SH2D4B: variants seen among roughly 807,000 people sequenced by gnomAD.
SH2D4B encodes the protein SH2 domain containing 4B, also known as SH2 domain-containing protein 4B.
A neutral mutation model predicts 61.5 loss-of-function variants in SH2D4B; 45 were observed. That is an observed-to-expected ratio of 0.73 (90% CI 0.58 to 0.94). The LOEUF is 0.94. SH2D4B is among the 40% of genes least tolerant of loss of function. The pLI, the probability that SH2D4B is intolerant of heterozygous loss-of-function variation, is 0.00. For missense variants in SH2D4B, 572 were observed against 574.2 expected, an observed-to-expected ratio of 1.00 and a Z score of 0.04; for synonymous variants, 224 against 220.4, an observed-to-expected ratio of 1.02 and a Z score of -0.14.
intron 4 of SH2D4B, among the ~76,000 whole-genome samples, chr10:80,590,686 T>G (rs1842315180): frequency 6.6e-6 from 1 of 152,100 alleles, no homozygotes; most frequent in Non-Finnish European, 1.5e-5. Context: ...TGTCTTAATC[T>G]TATGCCAGAT....
chr10:80,564,210 A>G (rs1043047734), intron 1 of SH2D4B, among the ~76,000 whole-genome samples: 1 of 152,206 alleles, frequency 6.6e-6, no homozygotes, highest in Non-Finnish European at 1.5e-5. Flanking sequence ...GTCTTGTAGA[A>G]CAAATTCTTC....
At chr10:80,563,878 A>T (rs952116733) in intron 1 of SH2D4B, among the ~76,000 whole-genome samples, 1 of 152,234 alleles carries the variant, frequency 6.6e-6, no homozygotes, top group African/African-American at 2.4e-5. Context: ...GAGAAAAGGC[A>T]TCATTCAAAT....
chr10:80,575,349 T>C (rs1842112665), intron 3 of SH2D4B, among the ~76,000 whole-genome samples: 1 of 152,078 alleles, frequency 6.6e-6, no homozygotes, highest in South Asian at 2.1e-4. Flanking sequence ...GCTGGCAAAC[T>C]ATTTTCTGTA....
At chr10:80,609,636 G>C (rs1842571255) in intron 6 of SH2D4B, 85 bp downstream of exon 6, 2 of 1,588,638 alleles carry the variant, frequency 1.3e-6, no homozygotes, top group African/African-American at 2.7e-5. Context: ...CTGAAGGACA[G>C]TTATAATCAG....
At chr10:80,545,541 G>A (rs1008283429) in intron 1 of SH2D4B, among the ~76,000 whole-genome samples, 9 of 136,056 alleles carry the variant, frequency 6.6e-5, no homozygotes, top group African/African-American at 1.8e-4. Context: ...CCTCTTCTCC[G>A]CTTTCTTCTA....
At chr10:80,543,432 C>T (rs1209149481) in intron 1 of SH2D4B, among the ~76,000 whole-genome samples, 3 of 152,186 alleles carry the variant, frequency 2.0e-5, no homozygotes, top group Non-Finnish European at 4.4e-5. Flanking sequence ...TCTCACCGGG[C>T]CTTAGCTGCC....
At chr10:80,592,038 T>C (rs1842334539) in intron 4 of SH2D4B, among the ~76,000 whole-genome samples, 1 of 152,218 alleles carries the variant, frequency 6.6e-6, no homozygotes, top group African/African-American at 2.4e-5. Flanking sequence ...TTGACGTCCT[T>C]GCCAACCCTT....
intron 1 of SH2D4B, among the ~76,000 whole-genome samples, chr10:80,564,303 A>G (rs1253659551): frequency 6.6e-6 from 1 of 152,208 alleles, no homozygotes. Flanking sequence ...TCACAGGCTT[A>G]GGAAACCACT....
Position 80,557,976 on chromosome 10 carries a change from T to C in SH2D4B, c.185-12178T>C, listed in dbSNP as rs141072950. ...TTTCTAATATAAGCATTTGATGCTA[T>C]AAATGTCTTTCAGTGCCCTGCTTTA... On this transcript the variant is annotated intron_variant, in intron 1 of 7. Coordinates refer to ENST00000646907, the MANE Select transcript of SH2D4B (RefSeq NM_001388272.1). Among the ~76,000 whole-genome samples, 11 of 152,294 alleles carry C rather than the reference T, an allele frequency of 7.2e-5. No individual in the cohort carries two copies. In the East Asian group the frequency reaches 2.1e-3, roughly 29 times the overall value.
chr10:80,597,563 G>C (rs914140978), intron 4 of SH2D4B, among the ~76,000 whole-genome samples: 1 of 152,220 alleles, frequency 6.6e-6, no homozygotes, highest in African/African-American at 2.4e-5. Context: ...CTACTTGGGA[G>C]GCTGAGGCAG....
intron 3 of SH2D4B, among the ~76,000 whole-genome samples, chr10:80,584,979 C>T (rs532762130): frequency 3.3e-5 from 5 of 152,288 alleles, no homozygotes; most frequent in African/African-American, 9.6e-5. Context: ...TTAATTAAGG[C>T]TGGTTGGATT....
rs191559534 is a variant in SH2D4B at position 80,646,418 on chromosome 10, C to T, written c.*2333C>T. ...TTTGGGGCCTGCAATTTCTGCATGTCTCATATATTTTAGGTTTTACCTTTT... is the reference window on the plus strand; with the variant it reads ...TTTGGGGCCTGCAATTTCTGCATGTTTCATATATTTTAGGTTTTACCTTTT... On this transcript the variant is annotated 3_prime_UTR_variant, in exon 8 of 8. Transcript: ENST00000646907. The T allele has an allele frequency of 1.5e-3, 233 of 152,390 alleles. 1 individual carries two copies. The highest frequency in any genetic ancestry group is 5.4e-3 in the African/African-American group (224 of 41,556). The allele number at this position is 152,390 out of a possible 1,614,324, so 9.4% of individuals were successfully genotyped here.
intron 1 of SH2D4B, among the ~76,000 whole-genome samples, chr10:80,563,047 G>A (rs952611182): frequency 7.3e-5 from 11 of 150,986 alleles, no homozygotes; most frequent in Admixed American, 1.3e-4. Context: ...GACTACAGGC[G>A]CCTGCCACTA....
Position 80,578,095 on chromosome 10 carries a change from C to T in SH2D4B, c.495+6517C>T, listed in dbSNP as rs1386047220. Among the ~76,000 whole-genome samples, 9 of 152,158 alleles carry T rather than the reference C, an allele frequency of 5.9e-5. No homozygotes were observed. In the East Asian group the frequency reaches 1.6e-3, roughly 26 times the overall value. On this transcript the variant is annotated intron_variant, in intron 3 of 7. Transcript: ENST00000646907. The stretch of plus-strand genomic sequence containing the variant: ...TAGCCATCGTCCCACTTCAGCCCCC[C>T]AAGTAGCTGGGACTACAGGGATGCA...
chr10:80,612,389 C>A (rs7086576), intron 6 of SH2D4B, among the ~76,000 whole-genome samples: 1 of 151,636 alleles, frequency 6.6e-6, no homozygotes, highest in Non-Finnish European at 1.5e-5. Flanking sequence ...CTCGGCTCTC[C>A]CTGGGCTTGG....
At chr10:80,604,938 T>C (rs150289718) in intron 5 of SH2D4B, among the ~76,000 whole-genome samples, 4,353 of 152,126 alleles carry the variant, frequency 0.029, 210 homozygotes, top group African/African-American at 0.099. Flanking sequence ...GGACTATAGG[T>C]GCCCGCCACC....
At chr10:80,563,166 G>T (rs932563071) in intron 1 of SH2D4B, among the ~76,000 whole-genome samples, 2 of 152,090 alleles carry the variant, frequency 1.3e-5, no homozygotes, top group Non-Finnish European at 2.9e-5. Context: ...CTCCCAAAGT[G>T]CTGGGATTAC....
At chr10:80,563,087 G>C (rs144441851) in intron 1 of SH2D4B, among the ~76,000 whole-genome samples, 1 of 151,414 alleles carries the variant, frequency 6.6e-6, no homozygotes, top group South Asian at 2.1e-4. Flanking sequence ...ATTTTTAGTA[G>C]AGACGGGGTT....
Position 80,634,346 on chromosome 10 carries a change from G to A in SH2D4B, c.1050G>A (p.Leu350=). 6.5e-7 allele frequency: 1 copy of A among 1,550,130 alleles called. No individual in the cohort carries two copies. Among genetic ancestry groups the A allele is most frequent in the Non-Finnish European group, 8.7e-7 (1 of 1,146,624 alleles). Residue 350 remains leucine, a synonymous_variant, in exon 7 of 8, where the codon CTG becomes CTA. Transcript: ENST00000646907. ...LLENMTEGAF[L]VRVSEKIWGY... Reference sequence around the variant, plus strand: ...AGAACATGACTGAGGGAGCATTCCTGGTCCGGGTCAGTGAGAAAATCTGGG... The same window carrying A: ...AGAACATGACTGAGGGAGCATTCCTAGTCCGGGTCAGTGAGAAAATCTGGG...
Sources: allele counts gnomAD v4.1 joint callset (sites outside exome capture counted in the v4.1 genomes callset), GRCh38; gene constraint gnomAD v4.1.1; transcripts MANE v1.5; gene names NCBI Gene and HGNC (gene_info 2026-07-23, HGNC 2026-07-21).